SYNE2: variants seen among roughly 807,000 people sequenced by gnomAD.
SYNE2 encodes spectrin repeat containing nuclear envelope protein 2, also known as nesprin-2.
A neutral mutation model predicts 856.3 loss-of-function variants in SYNE2; 431 were observed. The ratio of observed to expected loss-of-function variants is 0.50; its 90% CI spans 0.47 to 0.55. The LOEUF (loss-of-function observed/expected upper bound fraction) is 0.55. SYNE2 is among the 20% of genes least tolerant of loss of function. The pLI, the probability that SYNE2 is intolerant of heterozygous loss-of-function variation, is 0.00. For synonymous variants in SYNE2, 2,923 were observed against 2,872.3 expected (o/e 1.02, Z -0.56); for missense variants, 8,129 against 8,023.2 (o/e 1.01, Z -0.50).
chr14:63,939,800 A>G (rs2095880947), intron 2 of SYNE2, among the ~76,000 whole-genome samples: 1 of 152,232 alleles, frequency 6.6e-6, no homozygotes, highest in South Asian at 2.1e-4. Context: ...AAGGTCACAC[A>G]GCTACCCCAT....
intron 11 of SYNE2, among the ~76,000 whole-genome samples, chr14:63,973,653 A>G: frequency 7.2e-6 from 1 of 138,652 alleles, no homozygotes; most frequent in African/African-American, 2.8e-5. Flanking sequence ...AAAAAAAAAA[A>G]GGTTGTAGAA....
chr14:64,016,540 A>G lies in SYNE2; in HGVS notation c.4796A>G (p.Lys1599Arg). ...GTAGACAAGATAAACCAGGTCTGCA[A>G]AAATCTACAATTTTATCTAAATAAA... is the stretch of plus-strand genomic sequence containing the variant. ...EVVDKINQVC[K>R]NLQFYLNKMK... Residue 1599 changes from lysine to arginine, a missense_variant, in exon 33 of 116, where the codon AAA becomes AGA. Lys to Arg is a conservative substitution (Grantham distance 26). Transcript: ENST00000555002. 1 of 1,604,794 alleles carries G rather than the reference A, an allele frequency of 6.2e-7. No homozygotes were observed. The highest frequency in any genetic ancestry group is 8.5e-7 in the Non-Finnish European group (1 of 1,174,700).
intron 11 of SYNE2, among the ~76,000 whole-genome samples, chr14:63,969,499 G>A (rs745753490): frequency 8.6e-5 from 13 of 151,620 alleles, no homozygotes; most frequent in South Asian, 2.1e-4. Context: ...ATCCCACCAC[G>A]CCCAGCTAAT....
In SYNE2 at chr14:64,053,340, G is replaced by C. The variant is rs2097241719; in HGVS notation, c.9427G>C (p.Glu3143Gln). Residue 3143 changes from glutamate to glutamine, a missense_variant, in exon 48 of 116, where the codon GAA (glutamate) becomes CAA (glutamine). Around this residue, in one of 3 missense-constraint regions of SYNE2, gnomAD observed 5,410 missense variants for 5,284.8 expected, o/e 1.02. Coordinates refer to ENST00000555002, the MANE Select transcript of SYNE2 (RefSeq NM_182914.3). ...LYKVLQNMVL[E>Q]LSPKELDEKN... ...CAAAGTTCTCCAAAACATGGTATTA[G>C]AACTCTCACCAAAAGAATTGGATGA... The C allele has an allele frequency of 1.2e-6, 2 of 1,613,238 alleles. No individual in the cohort carries two copies. The highest frequency in any genetic ancestry group is 2.2e-5 in the East Asian group (1 of 44,854).
At chr14:63,923,646 A>G (rs904794160) in intron 2 of SYNE2, among the ~76,000 whole-genome samples, 3 of 152,234 alleles carry the variant, frequency 2.0e-5, no homozygotes, top group Non-Finnish European at 4.4e-5. Context: ...AGTTGATCAA[A>G]TAATCTTATA....
At chr14:63,801,569 C>T (rs767417885) in intron 1 of SYNE2, among the ~76,000 whole-genome samples, 30 of 151,990 alleles carry the variant, frequency 2.0e-4, no homozygotes, top group Admixed American at 4.6e-4. Flanking sequence ...ATCCCAGCTA[C>T]TCAGGAGGCT....
chr14:63,931,549 CAAAA>C (rs564187169), intron 2 of SYNE2, among the ~76,000 whole-genome samples: 4 of 88,776 alleles, frequency 4.5e-5, no homozygotes, highest in Non-Finnish European at 5.1e-5. Flanking sequence ...GACTCTGTCT[CAAAA>C]AAAAAAAAAA....
chr14:64,142,053 G>C lies in SYNE2; in HGVS notation c.15271G>C (p.Ala5091Pro). The change falls in exon 82 of 116, where the codon GCA (alanine) becomes CCA (proline). Residue 5091 changes from alanine to proline, a missense_variant. Transcript: ENST00000555002. Reference protein sequence around the residue: ...DEDSVHSPSSASQVKHLLQKH... With the variant: ...DEDSVHSPSSPSQVKHLLQKH... ...AGACTCCGTGCATTCACCAAGTTCT[G>C]CATCTCAAGTTAAACATCTTCTTCA... The C allele has an allele frequency of 6.2e-7, 1 of 1,614,050 alleles. No individual in the cohort carries two copies. The highest frequency in any genetic ancestry group is 2.2e-5 in the East Asian group (1 of 44,852).
intron 61 of SYNE2, among the ~76,000 whole-genome samples, chr14:64,096,782 C>G (rs897232119): frequency 1.3e-5 from 2 of 152,192 alleles, no homozygotes; most frequent in Non-Finnish European, 2.9e-5. Context: ...AGAACTCTCT[C>G]TTGCAGGTGG....
chr14:63,918,125 G>A (rs1442123366), intron 2 of SYNE2, among the ~76,000 whole-genome samples: 2 of 152,088 alleles, frequency 1.3e-5, no homozygotes, highest in Non-Finnish European at 2.9e-5. Context: ...TATGTCGGGT[G>A]GGGGTGTAAT....
At chr14:63,905,082 C>T (rs1050023597) in intron 1 of SYNE2, among the ~76,000 whole-genome samples, 7 of 152,162 alleles carry the variant, frequency 4.6e-5, no homozygotes, top group Non-Finnish European at 7.3e-5. Context: ...TTCCCCATTG[C>T]TTACTTTTGT....
chr14:64,133,981 T>A (rs1595747012), intron 77 of SYNE2, 88 bp from the exon 78 acceptor site: 1 of 1,488,778 alleles, frequency 6.7e-7, no homozygotes, highest in Non-Finnish European at 9.3e-7. Flanking sequence ...GGTCTTGGTG[T>A]TCATTTTTGT....
At chr14:63,976,126 CAT>C (rs1420011072) in intron 11 of SYNE2, among the ~76,000 whole-genome samples, 1 of 152,064 alleles carries the variant, frequency 6.6e-6, no homozygotes, top group Admixed American at 6.6e-5. Context: ...AGAGATATGT[CAT>C]GTGGATATAC....
At chr14:64,031,724 G>A (rs564112212) in intron 45 of SYNE2, among the ~76,000 whole-genome samples, 17 of 152,282 alleles carry the variant, frequency 1.1e-4, no homozygotes, top group African/African-American at 4.1e-4. Flanking sequence ...TTTTTGGGGG[G>A]TTGATTTCAT....
chr14:64,146,927 G>A (rs1192021295), intron 84 of SYNE2, among the ~76,000 whole-genome samples: 5 of 152,226 alleles, frequency 3.3e-5, no homozygotes, highest in Admixed American at 3.3e-4. Flanking sequence ...CTACTGAGGA[G>A]GTCACGGGAT....
chr14:64,124,660 A>G (rs979398084), intron 70 of SYNE2, among the ~76,000 whole-genome samples: 1 of 152,222 alleles, frequency 6.6e-6, no homozygotes, highest in East Asian at 1.9e-4. Context: ...ATGTTCACCA[A>G]GAAAGTGGCT....
chr14:63,925,165 A>G (rs941588396), intron 2 of SYNE2, among the ~76,000 whole-genome samples: 4 of 151,834 alleles, frequency 2.6e-5, no homozygotes, highest in African/African-American at 4.8e-5. Flanking sequence ...AGATAGACAG[A>G]TAGCCAGCCA....
intron 47 of SYNE2, among the ~76,000 whole-genome samples, chr14:64,050,093 T>A (rs981627132): frequency 1.3e-5 from 2 of 151,780 alleles, no homozygotes; most frequent in African/African-American, 4.8e-5. Context: ...AAATTATTTC[T>A]TACTGCCTTG....
chr14:63,981,373 T>C (rs867895744), intron 16 of SYNE2, among the ~76,000 whole-genome samples, 200 bp downstream of exon 16: 3 of 149,930 alleles, frequency 2.0e-5, no homozygotes, highest in Non-Finnish European at 3.0e-5. Context: ...TATATATACA[T>C]GGTCAAACAC....
Sources: gnomAD v4.1 joint callset for allele counts (sites outside exome capture counted in the v4.1 genomes callset) on GRCh38, gnomAD v4.1.1 for gene constraint, gnomAD v4.1.1 regional missense constraint, MANE v1.5 for transcripts, NCBI Gene and HGNC (gene_info 2026-07-23, HGNC 2026-07-21) for gene names.